Variants in CHTF18 observed in about 807,000 individuals in gnomAD.
CHTF18 encodes the protein chromosome transmission fidelity protein 18 homolog.
CHTF18 carries 151 observed loss-of-function variants against 113.4 expected under a neutral mutation model. The ratio of observed to expected loss-of-function variants is 1.33; its 90% CI spans 1.17 to 1.52. CHTF18 has a LOEUF of 1.52. CHTF18 is among the 40% of genes most tolerant of loss of function. The pLI, the probability that CHTF18 is intolerant of heterozygous loss-of-function variation, is 0.00. For missense variants in CHTF18, 1,982 were observed against 1,381.6 expected (o/e 1.43, Z -6.89); for synonymous variants, 916 against 598.8 (o/e 1.53, Z -7.74).
At position 790,201 on chromosome 16, in the gene CHTF18, C is replaced by G. The variant is rs374704293; in HGVS notation, c.631C>G (p.Arg211Gly). 1 of 1,603,256 alleles carries G rather than the reference C, an allele frequency of 6.2e-7. No homozygotes were observed. Among genetic ancestry groups the G allele is most frequent in the Non-Finnish European group, 8.5e-7 (1 of 1,175,868 alleles). Residue 211 changes from arginine (R) to glycine (G), a missense_variant, in exon 5 of 22, where the codon CGA becomes GGA. Physicochemically the swap from Arg to Gly is moderately radical, Grantham distance 125. Coordinates refer to ENST00000262315, the MANE Select transcript of CHTF18 (RefSeq NM_022092.3). ...VQGSLLHVPWRGGGQLDLLGV... is the reference protein window; with the variant it reads ...VQGSLLHVPWGGGGQLDLLGV... ...GGGCTCTCTCCTCCACGTCCCATGG[C>G]GAGGCGGTGGCCAGCTGGACCTGCT... is the stretch of plus-strand genomic sequence containing the variant.
At chr16:792,165 G>C in intron 9 of CHTF18, 59 bp from the exon 10 acceptor site, 4 of 1,535,398 alleles carry the variant, frequency 2.6e-6, no homozygotes, top group Non-Finnish European at 3.5e-6. Flanking sequence ...CCCGGCCTTG[G>C]GAGGCTGCCC....
chr16:790,598 G>A lies in CHTF18; in HGVS notation c.826G>A (p.Ala276Thr), dbSNP rs771379319. Residue 276 changes from alanine (A) to threonine (T), a missense_variant, in exon 7 of 22, where the codon GCC (alanine) becomes ACC (threonine). Coordinates refer to ENST00000262315, the MANE Select transcript of CHTF18 (RefSeq NM_022092.3). ...GGAGGAGCCGACTGACGGTCAAGAC[G>A]CCTCCAGTCACTGCCTCTGGGTGGA... The part of the protein sequence containing the change: ...PEEEPTDGQD[A>T]SSHCLWVDEF... The A allele has an allele frequency of 8.1e-6, 13 of 1,596,940 alleles. No homozygotes were observed. The highest frequency in any genetic ancestry group is 2.7e-5 in the African/African-American group (2 of 74,456).
chr16:791,022 C>T (rs571019965), intron 7 of CHTF18, 139 bp from the exon 8 acceptor site: 53 of 1,475,954 alleles, frequency 3.6e-5, no homozygotes, highest in South Asian at 1.9e-4. Flanking sequence ...TGCGGTCACT[C>T]GCTGGCAGGA....
rs776345408 is a variant in CHTF18 at position 797,747 on chromosome 16, T to C, written c.2787T>C (p.Ser929=). ...TCGTCAGGAGCACAGCAGTCCCGAG[T>C]GCAGGTGTGTGTGGGGGTGTTGTGG... ...RVVVRSTAVP[S]AGDTAPEQDS... Residue 929 remains serine (S), a synonymous_variant, in exon 21 of 22, where the codon AGT becomes AGC. Coordinates refer to ENST00000262315, the MANE Select transcript of CHTF18 (RefSeq NM_022092.3). 12 of 1,540,876 alleles carry C rather than the reference T, an allele frequency of 7.8e-6. No homozygotes were observed.
rs775055081 is a variant in CHTF18 at position 788,898 on chromosome 16, G to T, written c.92-33G>T. On this transcript the variant is annotated intron_variant, in intron 1 of 21. Coordinates refer to ENST00000262315, the MANE Select transcript of CHTF18 (RefSeq NM_022092.3). ...CGCCGCTGGCGGGATCTGCTGTCTC[G>T]GGGCGGCCGCTGACAATCTCCTCTC... is the stretch of plus-strand genomic sequence containing the variant. 9 of 1,507,142 alleles carry T rather than the reference G, an allele frequency of 6.0e-6. No individual in the cohort carries two copies. In the South Asian group the frequency reaches 1.0e-4, roughly 17 times the overall value. The allele number at this position is 1,507,142 out of a possible 1,614,324, so 93.4% of individuals were successfully genotyped here.
chr16:795,992 A>G lies in CHTF18; in HGVS notation c.2371A>G (p.Ser791Gly), dbSNP rs1175334824. The G allele has an allele frequency of 1.2e-6, 2 of 1,608,928 alleles. No homozygotes were observed. Among genetic ancestry groups the G allele is most frequent in the Non-Finnish European group, 1.7e-6 (2 of 1,178,262 alleles). ...YSTREKQQLASLVGTMLAYSL... is the reference protein window; with the variant it reads ...YSTREKQQLAGLVGTMLAYSL... Reference sequence around the variant, plus strand: ...CACCCGTGAAAAGCAACAGCTGGCCAGCCTGGTGGGCACGATGCTCGCTTA... The same window carrying G: ...CACCCGTGAAAAGCAACAGCTGGCCGGCCTGGTGGGCACGATGCTCGCTTA... Residue 791 changes from serine (S) to glycine (G), a missense_variant, in exon 18 of 22, where the codon AGC (serine) becomes GGC (glycine). Coordinates refer to ENST00000262315, the MANE Select transcript of CHTF18 (RefSeq NM_022092.3).
In CHTF18 at chr16:789,109, C is replaced by T. The variant is rs1246089028; in HGVS notation, c.270C>T (p.Ala90=). 6 of 1,534,160 alleles carry T rather than the reference C, an allele frequency of 3.9e-6. No individual in the cohort carries two copies. The East Asian group carries it at 9.9e-5, about 25-fold the overall frequency. ...AGGTGGACGCCGACCTGCAGCCGGCCGGGTCCCTGCCCCACGGTAGGTTGG... is the reference window on the plus strand; with the variant it reads ...AGGTGGACGCCGACCTGCAGCCGGCTGGGTCCCTGCCCCACGGTAGGTTGG... ...KRQVDADLQP[A]GSLPHAPRIK... The change falls in exon 2 of 22, where the codon GCC becomes GCT. Residue 90 remains alanine, a synonymous_variant. Coordinates refer to ENST00000262315, the MANE Select transcript of CHTF18 (RefSeq NM_022092.3).
Position 795,291 on chromosome 16 carries a change from G to C in CHTF18, c.2110G>C (p.Ala704Pro), listed in dbSNP as rs1422468221. The C allele has an allele frequency of 1.4e-5, 22 of 1,548,498 alleles. No homozygotes were observed. The highest frequency in any genetic ancestry group is 2.7e-5 in the African/African-American group (2 of 72,744). Residue 704 changes from alanine to proline, a missense_variant, in exon 16 of 22, where the codon GCC becomes CCC. Coordinates refer to ENST00000262315, the MANE Select transcript of CHTF18 (RefSeq NM_022092.3). ...GCGCTACCCACCCTTCCTGCCCGTGGCCTTCCATGTGCTGTTTGCTTCCAG... is the reference window on the plus strand; with the variant it reads ...GCGCTACCCACCCTTCCTGCCCGTGCCCTTCCATGTGCTGTTTGCTTCCAG... ...LLRYPPFLPV[A>P]FHVLFASSHT...
At position 795,121 on chromosome 16, in the gene CHTF18, G is replaced by C; in HGVS notation, c.1951-11G>C. The C allele has an allele frequency of 6.5e-7, 1 of 1,537,788 alleles. No homozygotes were observed. Among genetic ancestry groups the C allele is most frequent in the South Asian group, 1.2e-5 (1 of 82,974 alleles). ...GTGGGCAGGAGCTCAGGGGTTGCCGGCCGCCTGCAGGGCTTGTTTGACAAC... is the reference window on the plus strand; with the variant it reads ...GTGGGCAGGAGCTCAGGGGTTGCCGCCCGCCTGCAGGGCTTGTTTGACAAC... On this transcript the variant is annotated splice_polypyrimidine_tract_variant and intron_variant, in intron 15 of 21. Transcript: ENST00000262315.
chr16:789,962 C>G (rs767717705), intron 4 of CHTF18: 1 of 1,534,086 alleles, frequency 6.5e-7, no homozygotes, highest in Non-Finnish European at 8.7e-7. Flanking sequence ...CTGCTTTTGC[C>G]CTTTCCTCCT....
At chr16:792,633 G>A (rs748352793) in intron 11 of CHTF18, 43 bp downstream of exon 11, 23 of 1,591,788 alleles carry the variant, frequency 1.4e-5, no homozygotes, top group Non-Finnish European at 1.8e-5. Flanking sequence ...AGGCTCTGGT[G>A]CCTGGAGGGA....
rs921768259 is a variant in CHTF18 at position 798,070 on chromosome 16, T to A, written c.*95T>A. ...TTTATAAAGTCACACCTTTACAGAC[T>A]GTAATCACGTGCGAGTGGAGTGGGG... On this transcript the variant is annotated 3_prime_UTR_variant, in exon 22 of 22. Coordinates refer to ENST00000262315, the MANE Select transcript of CHTF18 (RefSeq NM_022092.3). 38 of 1,467,188 alleles carry A rather than the reference T, an allele frequency of 2.6e-5. No individual in the cohort carries two copies. Among genetic ancestry groups the A allele is most frequent in the Non-Finnish European group, 3.3e-5 (36 of 1,090,858 alleles). The allele number at this position is 1,467,188 out of a possible 1,614,324, so 90.9% of individuals were successfully genotyped here. A position where few individuals can be genotyped will look rare whatever the true frequency, so the allele number is the denominator to read the frequency against.
At chr16:792,011 CG>C (rs1201132638) in intron 9 of CHTF18, 63 bp downstream of exon 9, 1 of 1,557,248 alleles carries the variant, frequency 6.4e-7, no homozygotes, top group Non-Finnish European at 8.7e-7. Flanking sequence ...GTTCTGGTGG[CG>C]GACCTGAAAC....
In CHTF18 at chr16:791,359, C is replaced by G; in HGVS notation, c.1093C>G (p.Pro365Ala). Residue 365 changes from proline (P) to alanine (A), a missense_variant, in exon 8 of 22, where the codon CCG (proline) becomes GCG (alanine). Transcript: ENST00000262315. ...LEAGLDPSQR[P>A]KQKVALLCGP... ...GGCTGGGCTGGACCCGAGCCAGCGA[C>G]CGAAGCAGAAGGTGAGCCCCGCTGG... 6.2e-7 allele frequency: 1 copy of G among 1,603,238 alleles called. No homozygotes were observed.
intron 14 of CHTF18, chr16:793,684 C>A (rs757136046): frequency 6.9e-6 from 4 of 583,892 alleles, no homozygotes; most frequent in South Asian, 1.6e-5. Flanking sequence ...TCTGTCCTGA[C>A]GTGCCATGGG....
At chr16:796,688 C>G in intron 18 of CHTF18, 29 bp from the exon 19 acceptor site, 1 of 1,561,870 alleles carries the variant, frequency 6.4e-7, no homozygotes, top group Non-Finnish European at 8.6e-7. Flanking sequence ...CCCCGCTGAC[C>G]TGCCCTGGTG....
Position 797,834 on chromosome 16 carries a change from C to G in CHTF18, c.2792-5C>G. The G allele has an allele frequency of 1.3e-6, 2 of 1,599,718 alleles. No homozygotes were observed. The highest frequency in any genetic ancestry group is 1.7e-6 in the Non-Finnish European group (2 of 1,173,934). ...CAGCTGAGGAGCAACCCTGTGGCCC[C>G]GCAGGGGACACGGCCCCGGAGCAGG... On this transcript the variant is annotated splice_polypyrimidine_tract_variant and splice_region_variant and intron_variant, in intron 21 of 21. Transcript: ENST00000262315.
Position 796,001 on chromosome 16 carries a change from G to A in CHTF18, c.2380G>A (p.Gly794Ser). Residue 794 changes from glycine (G) to serine (S), a missense_variant, in exon 18 of 22, where the codon GGC (glycine) becomes AGC (serine). By Grantham distance (56) the Gly-to-Ser change is moderately conservative. Coordinates refer to ENST00000262315, the MANE Select transcript of CHTF18 (RefSeq NM_022092.3). Reference protein sequence around the residue: ...REKQQLASLVGTMLAYSLTYR... With the variant: ...REKQQLASLVSTMLAYSLTYR... ...AAAGCAACAGCTGGCCAGCCTGGTG[G>A]GCACGATGCTCGCTTACAGCCTGAC... The A allele has an allele frequency of 6.2e-7, 1 of 1,608,234 alleles. No individual in the cohort carries two copies. Among genetic ancestry groups the A allele is most frequent in the Non-Finnish European group, 8.5e-7 (1 of 1,178,006 alleles).
Position 793,084 on chromosome 16 carries a change from C to T in CHTF18, c.1671+20C>T, listed in dbSNP as rs760933302. 19 of 938,934 alleles carry T rather than the reference C, an allele frequency of 2.0e-5. No homozygotes were observed. Among genetic ancestry groups the T allele is most frequent in the Middle Eastern group, 2.8e-4 (1 of 3,518 alleles). The allele number at this position is 938,934 out of a possible 1,614,324, so 58.2% of individuals were successfully genotyped here. A position where few individuals can be genotyped will look rare whatever the true frequency, so the allele number is the denominator to read the frequency against. On this transcript the variant is annotated intron_variant, in intron 13 of 21. Transcript: ENST00000262315. ...CTGCAGGTGGGCGGCCGGCAGGCAC[C>T]GGGTGGGGTGGGGTGGGGTCAGGAG...
Sources: allele counts gnomAD v4.1 joint callset, GRCh38; gene constraint gnomAD v4.1.1; transcripts MANE v1.5; gene names NCBI Gene and HGNC (gene_info 2026-07-23, HGNC 2026-07-21).